The following KCNT2 variants were observed in gnomAD, a reference collection of about 807,000 sequenced individuals.
KCNT2 encodes the protein potassium channel subfamily T member 2.
In KCNT2, 67 loss-of-function variants were observed where a neutral mutation model predicts 153.8. The observed-to-expected ratio is 0.44, with a 90% CI of 0.36 to 0.53. The LOEUF (loss-of-function observed/expected upper bound fraction) is 0.53. KCNT2 is among the 20% of genes least tolerant of loss of function. KCNT2 has a pLI of 0.00. For synonymous variants in KCNT2, 500 were observed against 458.8 expected, an observed-to-expected ratio of 1.09 and a Z score of -1.15; for missense variants, 975 against 1,354.8, an observed-to-expected ratio of 0.72 and a Z score of 4.40.
intron 21 of KCNT2, among the ~76,000 whole-genome samples, chr1:196,312,615 G>A (rs1662299552): frequency 6.6e-6 from 1 of 151,606 alleles, no homozygotes; most frequent in Admixed American, 6.6e-5. Context: ...CATCACCTAA[G>A]CTTTGGTTTT....
Position 196,284,568 on chromosome 1 carries a change from C to T in KCNT2, c.2697+1089G>A, listed in dbSNP as rs562704652. 2.0e-5 allele frequency among the ~76,000 whole-genome samples: 3 copies of T among 151,952 alleles called. No individual in the cohort carries two copies. In the East Asian group the frequency reaches 5.9e-4, roughly 30 times the overall value. On this transcript the variant is annotated intron_variant, in intron 23 of 27. Coordinates refer to ENST00000294725, the MANE Select transcript of KCNT2 (RefSeq NM_198503.5). ...ATTGATATAAAATCTTCAGTTTCAA[C>T]ACTGCTCTTCAAATAAACCATCCCC...
At chr1:196,304,099 G>C (rs991115533) in intron 22 of KCNT2, among the ~76,000 whole-genome samples, 4 of 151,984 alleles carry the variant, frequency 2.6e-5, no homozygotes, top group African/African-American at 9.7e-5. Context: ...TGGAAGCAGG[G>C]CACAACAACA....
intron 1 of KCNT2, among the ~76,000 whole-genome samples, chr1:196,512,811 T>C (rs1482351487): frequency 6.6e-6 from 1 of 152,096 alleles, no homozygotes; most frequent in Non-Finnish European, 1.5e-5. Flanking sequence ...TTTATCAATC[T>C]ACAAAAATAG....
intron 1 of KCNT2, among the ~76,000 whole-genome samples, chr1:196,554,271 A>AC (rs1485428035): frequency 2.0e-5 from 3 of 151,164 alleles, no homozygotes; most frequent in African/African-American, 7.3e-5. Context: ...AAACCAACTA[A>AC]GAAAAAAGAG....
At chr1:196,243,818 A>G (rs992563957) in intron 26 of KCNT2, among the ~76,000 whole-genome samples, 2 of 152,118 alleles carry the variant, frequency 1.3e-5, no homozygotes, top group East Asian at 3.9e-4. Context: ...GGAATCAAAG[A>G]CAATGGACTT....
chr1:196,549,294 G>A (rs1657577085), intron 1 of KCNT2, among the ~76,000 whole-genome samples: 1 of 151,824 alleles, frequency 6.6e-6, no homozygotes, highest in Non-Finnish European at 1.5e-5. Context: ...GTATTCCAAA[G>A]TGAATTATGA....
At position 196,423,107 on chromosome 1, in the gene KCNT2, A is replaced by T; in HGVS notation, c.1128T>A (p.Asp376Glu). The T allele has an allele frequency of 6.3e-7, 1 of 1,598,668 alleles. No homozygotes were observed. The highest frequency in any genetic ancestry group is 8.6e-7 in the Non-Finnish European group (1 of 1,169,576). Residue 376 changes from aspartate (D) to glutamate (E), a missense_variant, in exon 12 of 28, where the codon GAT becomes GAA. Asp to Glu is a conservative substitution (Grantham distance 45). Around this residue, in one of 6 missense-constraint regions of KCNT2, gnomAD observed 202 missense variants for 314.9 expected, o/e 0.64. Coordinates refer to ENST00000294725, the MANE Select transcript of KCNT2 (RefSeq NM_198503.5). ...KDQDLLRAKM[D>E]DAEACFILSS... is the part of the protein sequence containing the mutation. ...TGAGAATAAAACAGGCCTCAGCGTCATCCATCCTAAATACAGATGGAAAAA... is the reference window on the plus strand; with the variant it reads ...TGAGAATAAAACAGGCCTCAGCGTCTTCCATCCTAAATACAGATGGAAAAA...
At chr1:196,270,218 C>T (rs991561977) in intron 25 of KCNT2, among the ~76,000 whole-genome samples, 9 of 151,892 alleles carry the variant, frequency 5.9e-5, no homozygotes, top group African/African-American at 2.2e-4. Context: ...CTTTACCCAT[C>T]TACTATTTAT....
At chr1:196,426,892 G>A (rs1043597119) in intron 10 of KCNT2, among the ~76,000 whole-genome samples, 5 of 152,076 alleles carry the variant, frequency 3.3e-5, no homozygotes, top group Admixed American at 3.3e-4. Flanking sequence ...CTCTGGCCAT[G>A]TGAAGACACA....
chr1:196,253,491 T>C (rs1225743238), intron 26 of KCNT2, among the ~76,000 whole-genome samples: 2 of 151,594 alleles, frequency 1.3e-5, no homozygotes, highest in Non-Finnish European at 3.0e-5. Context: ...TATTTTAAGA[T>C]CTGTGTTTTC....
At chr1:196,274,494 G>A (rs1279039396) in intron 25 of KCNT2, among the ~76,000 whole-genome samples, 11 of 151,636 alleles carry the variant, frequency 7.3e-5, no homozygotes, top group Non-Finnish European at 1.2e-4. Context: ...GAATGGACAG[G>A]TAGAATTTTA....
intron 13 of KCNT2, among the ~76,000 whole-genome samples, chr1:196,379,209 A>C (rs1669242005): frequency 6.6e-6 from 1 of 152,106 alleles, no homozygotes; most frequent in African/African-American, 2.4e-5. Context: ...ATCAAATATA[A>C]ATCTGTCATT....
intron 1 of KCNT2, among the ~76,000 whole-genome samples, chr1:196,540,687 T>A (rs886443710): frequency 6.6e-6 from 1 of 152,176 alleles, no homozygotes; most frequent in Non-Finnish European, 1.5e-5. Flanking sequence ...AAAAATTATA[T>A]CCCAACTCTC....
At chr1:196,249,210 A>G (rs1317061606) in intron 26 of KCNT2, among the ~76,000 whole-genome samples, 1 of 152,186 alleles carries the variant, frequency 6.6e-6, no homozygotes, top group Non-Finnish European at 1.5e-5. Context: ...GAGTAGGGAA[A>G]AACTGAAAGC....
intron 22 of KCNT2, among the ~76,000 whole-genome samples, chr1:196,287,468 C>T (rs537754782): frequency 2.7e-4 from 41 of 152,094 alleles, no homozygotes; most frequent in Non-Finnish European, 5.7e-4. Context: ...AACAAACAAA[C>T]AAACAAACAT....
chr1:196,263,229 G>C (rs1458869131), intron 25 of KCNT2, among the ~76,000 whole-genome samples: 1 of 151,212 alleles, frequency 6.6e-6, no homozygotes, highest in Non-Finnish European at 1.5e-5. Flanking sequence ...GAACGTGCAG[G>C]TTTGTTACAT....
intron 3 of KCNT2, among the ~76,000 whole-genome samples, chr1:196,484,046 T>G (rs1477072839): frequency 6.6e-6 from 1 of 152,110 alleles, no homozygotes; most frequent in Non-Finnish European, 1.5e-5. Context: ...AGATGCCCAG[T>G]TTTGTAAGTG....
At chr1:196,441,646 A>G (rs1482044624) in intron 8 of KCNT2, among the ~76,000 whole-genome samples, 1 of 151,664 alleles carries the variant, frequency 6.6e-6, no homozygotes. Context: ...TTCTTTCATC[A>G]TTAATGATTT....
At chr1:196,328,550 A>G (rs543811432) in intron 18 of KCNT2, among the ~76,000 whole-genome samples, 5 of 152,138 alleles carry the variant, frequency 3.3e-5, no homozygotes, top group African/African-American at 1.2e-4. Flanking sequence ...ATCTACAAGA[A>G]AAAACAATTG....
Sources: gnomAD v4.1 joint callset for allele counts (sites outside exome capture counted in the v4.1 genomes callset) on GRCh38, gnomAD v4.1.1 for gene constraint, gnomAD v4.1.1 regional missense constraint, MANE v1.5 for transcripts, NCBI Gene and HGNC (gene_info 2026-07-23, HGNC 2026-07-21) for gene names.